Variants in SLFN11 observed in about 807,000 individuals in gnomAD.
SLFN11 encodes schlafen family member 11.
In SLFN11, 43 loss-of-function variants were observed where a neutral mutation model predicts 53.4. That is an observed-to-expected ratio of 0.80 (90% CI 0.63 to 1.04). SLFN11 has a LOEUF of 1.04. Among genes scored for constraint, SLFN11 ranks in the 50% least tolerant of loss-of-function variants. SLFN11 has a pLI of 0.00. For synonymous variants in SLFN11, 389 were observed against 394.7 expected (o/e 0.99, Z 0.17); for missense variants, 990 against 1,079.1 (o/e 0.92, Z 1.16).
chr17:35,353,166 G>C, intron 6 of SLFN11, 27 bp from the exon 7 acceptor site: 1 of 1,600,904 alleles, frequency 6.2e-7, no homozygotes, highest in Non-Finnish European at 8.5e-7. Context: ...AACACACTCA[G>C]GTTTTCTCTA....
rs1908388288 is a variant in SLFN11, at chr17:35,362,760, T to C, written c.1048A>G (p.Met350Val). Reference sequence around the variant, plus strand: ...TTACCTGGATCTGTGTCTGTCATCATGCCTACCCATTTCTCGGTTGTCAGG... The same window carrying C: ...TTACCTGGATCTGTGTCTGTCATCACGCCTACCCATTTCTCGGTTGTCAGG... ...CSLTTEKWVGMMTDTDPDLLQ... is the reference protein window; with the variant it reads ...CSLTTEKWVGVMTDTDPDLLQ... Residue 350 changes from methionine (M) to valine (V), a missense_variant, in exon 4 of 7, where the codon ATG (methionine) becomes GTG (valine). Transcript: ENST00000685675. 2 of 1,581,306 alleles carry C rather than the reference T, an allele frequency of 1.3e-6. No individual in the cohort carries two copies. The highest frequency in any genetic ancestry group is 1.1e-5 in the South Asian group (1 of 87,256).
At chr17:35,355,198 C>A (rs1343442338) in intron 5 of SLFN11, among the ~76,000 whole-genome samples, 7 of 151,996 alleles carry the variant, frequency 4.6e-5, no homozygotes, top group Non-Finnish European at 8.8e-5. Flanking sequence ...CCAAGGATGA[C>A]ATATTTATTC....
chr17:35,368,888 T>C (rs533996135), intron 1 of SLFN11, among the ~76,000 whole-genome samples: 4 of 152,012 alleles, frequency 2.6e-5, no homozygotes, highest in African/African-American at 9.7e-5. Context: ...CTAGACACAC[T>C]CTGGGCCAGA....
chr17:35,358,822 T>G (rs1907841809), intron 5 of SLFN11, among the ~76,000 whole-genome samples: 1 of 152,078 alleles, frequency 6.6e-6, no homozygotes, highest in Non-Finnish European at 1.5e-5. Flanking sequence ...TTTTTCTATC[T>G]TTAACAAGTT....
At chr17:35,356,120 G>C (rs1230355317) in intron 5 of SLFN11, among the ~76,000 whole-genome samples, 1 of 151,744 alleles carries the variant, frequency 6.6e-6, no homozygotes, top group Non-Finnish European at 1.5e-5. Flanking sequence ...AGTAACTCCA[G>C]TTATAGACAA....
At position 35,367,070 on chromosome 17, in the gene SLFN11, CAA is replaced by C. The variant is rs34749593; in HGVS notation, c.-136-9_-136-8del. The C allele has an allele frequency of 6.3e-5, 9 of 141,818 alleles. No individual in the cohort carries two copies. Among genetic ancestry groups the C allele is most frequent in the Admixed American group, 1.4e-4 (2 of 14,248 alleles). The allele number at this position is 141,818 out of a possible 1,614,324, so 8.8% of individuals were successfully genotyped here. On this transcript the variant is annotated splice_region_variant and splice_polypyrimidine_tract_variant and intron_variant, in intron 2 of 6. Transcript: ENST00000685675. ...TGGGGGTCAAAGTAAGAATCTGTCT[CAA>C]AAAAAAAAAAAAGAAGGCTGGCACA...
Position 35,362,835 on chromosome 17 carries a change from A to C in SLFN11, c.973T>G (p.Phe325Val), listed in dbSNP as rs1567823227. The C allele has an allele frequency of 6.2e-7, 1 of 1,613,702 alleles. No homozygotes were observed. The highest frequency in any genetic ancestry group is 8.5e-7 in the Non-Finnish European group (1 of 1,179,896). ...ATCCATGAATTGGGAGCTTCTGAGA[A>C]CACTGCACAGCAGAAGGGATTTACT... Reference protein sequence around the residue: ...IRVNPFCCAVFSEAPNSWIVE... With the variant: ...IRVNPFCCAVVSEAPNSWIVE... Residue 325 changes from phenylalanine to valine, a missense_variant, in exon 4 of 7, where the codon TTC (phenylalanine) becomes GTC (valine). Physicochemically the swap from Phe to Val is conservative, Grantham distance 50. Transcript: ENST00000685675.
chr17:35,365,668 A>G (rs1033751062), intron 3 of SLFN11, among the ~76,000 whole-genome samples: 1 of 152,140 alleles, frequency 6.6e-6, no homozygotes, highest in African/African-American at 2.4e-5. Flanking sequence ...GATATTTGAC[A>G]TGGGAAACAA....
At chr17:35,369,118 G>T (rs1207124248) in intron 1 of SLFN11, among the ~76,000 whole-genome samples, 1 of 152,028 alleles carries the variant, frequency 6.6e-6, no homozygotes, top group Non-Finnish European at 1.5e-5. Flanking sequence ...AGAGGGAAAA[G>T]TAAAGGGGAC....
chr17:35,354,012 G>C lies in SLFN11; in HGVS notation c.1246C>G (p.Leu416Val). Residue 416 changes from leucine (L) to valine (V), a missense_variant, in exon 6 of 7, where the codon CTG (leucine) becomes GTG (valine). Physicochemically the swap from Leu to Val is conservative, Grantham distance 32. Around this residue, in one of 3 missense-constraint regions of SLFN11, gnomAD observed 521 missense variants for 516.2 expected, o/e 1.01. Coordinates refer to ENST00000685675, the MANE Select transcript of SLFN11 (RefSeq NM_001376007.1). Reference sequence around the variant, plus strand: ...TCTAGTCCTCTGTGCTCTGAGATCAGGTCCCTCCAGAGTGACTCTGGAGTA... The same window carrying C: ...TCTAGTCCTCTGTGCTCTGAGATCACGTCCCTCCAGAGTGACTCTGGAGTA... ...RYTPESLWRDLISEHRGLEEL... is the reference protein window; with the variant it reads ...RYTPESLWRDVISEHRGLEEL... 6.2e-7 allele frequency: 1 copy of C among 1,613,752 alleles called. No individual in the cohort carries two copies. Among genetic ancestry groups the C allele is most frequent in the Non-Finnish European group, 8.5e-7 (1 of 1,179,860 alleles).
chr17:35,363,509 C>A lies in SLFN11; in HGVS notation c.299G>T (p.Gly100Val). ...TTTAACAAAAATGTAAAAACACCTTCCTTGTTGCTTGGTCTCAAAGAAAGC... is the reference window on the plus strand; with the variant it reads ...TTTAACAAAAATGTAAAAACACCTTACTTGTTGCTTGGTCTCAAAGAAAGC... ...LQAFFETKQQ[G>V]RCFYIFVKSW... Residue 100 changes from glycine to valine, a missense_variant, in exon 4 of 7, where the codon GGA becomes GTA. Physicochemically the swap from Gly to Val is moderately radical, Grantham distance 109 (BLOSUM62 -3). This residue lies in a region of SLFN11 where 521 missense variants were observed against 516.2 expected (regional missense o/e 1.01). Coordinates refer to ENST00000685675, the MANE Select transcript of SLFN11 (RefSeq NM_001376007.1). 1.9e-6 allele frequency: 3 copies of A among 1,614,026 alleles called. No homozygotes were observed. In the East Asian group the frequency reaches 6.7e-5, roughly 36 times the overall value.
In SLFN11 at chr17:35,365,024, G is replaced by C. The variant is rs554358970; in HGVS notation, c.-19-1198C>G. On this transcript the variant is annotated intron_variant, in intron 3 of 6. Coordinates refer to ENST00000685675, the MANE Select transcript of SLFN11 (RefSeq NM_001376007.1). ...ATTTAGATGGGAAGAAGCCAGTAGGGAAGTGAAAATTTAAAGAGGTAGAAG... is the reference window on the plus strand; with the variant it reads ...ATTTAGATGGGAAGAAGCCAGTAGGCAAGTGAAAATTTAAAGAGGTAGAAG... Among the ~76,000 whole-genome samples the C allele has an allele frequency of 9.2e-5, 14 of 152,208 alleles. 2 individuals carry two copies. The highest frequency in any genetic ancestry group is 3.4e-4 in the African/African-American group (14 of 41,542).
chr17:35,360,780 T>C (rs888330384), intron 4 of SLFN11, among the ~76,000 whole-genome samples: 4 of 152,098 alleles, frequency 2.6e-5, no homozygotes, highest in African/African-American at 9.7e-5. Flanking sequence ...ATCTCATCAC[T>C]GATTTGTAAT....
intron 5 of SLFN11, among the ~76,000 whole-genome samples, chr17:35,355,442 C>T (rs1472058092): frequency 1.3e-5 from 2 of 152,074 alleles, no homozygotes; most frequent in Non-Finnish European, 2.9e-5. Flanking sequence ...TGCCCAACAT[C>T]ACACCACTAG....
Position 35,356,982 on chromosome 17 carries a change from G to C in SLFN11, c.1199-2923C>G, listed in dbSNP as rs534944764. ...CCACAACTAGCAAATAAGAGATAAT[G>C]TCAGGTTTTTTCATTTTTTAACAAT... On this transcript the variant is annotated intron_variant, in intron 5 of 6. Coordinates refer to ENST00000685675, the MANE Select transcript of SLFN11 (RefSeq NM_001376007.1). Among the ~76,000 whole-genome samples, 5 of 152,128 alleles carry C rather than the reference G, an allele frequency of 3.3e-5. No individual in the cohort carries two copies. In the East Asian group the frequency reaches 9.6e-4, roughly 29 times the overall value.
chr17:35,369,599 A>T (rs1909406813), intron 1 of SLFN11, among the ~76,000 whole-genome samples: 1 of 152,144 alleles, frequency 6.6e-6, no homozygotes, highest in South Asian at 2.1e-4. Context: ...GTTTGAAAAG[A>T]TAAACAAAAT....
chr17:35,353,058 G>A lies in SLFN11; in HGVS notation c.2004C>T (p.Asp668=), dbSNP rs377115038. The change falls in exon 7 of 7, where the codon GAC becomes GAT. Residue 668 remains aspartate, a synonymous_variant. Transcript: ENST00000685675. The part of the protein sequence containing the change: ...NFEHIQHIVI[D]EAQNFRTEDG... ...CTTCAGTACGGAAATTCTGAGCTTCGTCAATGACGATGTGTTGAATGTGTT... is the reference window on the plus strand; with the variant it reads ...CTTCAGTACGGAAATTCTGAGCTTCATCAATGACGATGTGTTGAATGTGTT... The A allele has an allele frequency of 3.0e-5, 48 of 1,613,982 alleles. No homozygotes were observed. Among genetic ancestry groups the A allele is most frequent in the Non-Finnish European group, 3.2e-5 (38 of 1,180,036 alleles).
intron 1 of SLFN11, among the ~76,000 whole-genome samples, chr17:35,372,699 T>C (rs8082408): frequency 0.02 from 3,029 of 152,274 alleles, 117 homozygotes; most frequent in African/African-American, 0.069. Context: ...TTTACCGTGA[T>C]GTGATTATTA....
At chr17:35,357,781 AAAT>A (rs1302635850) in intron 5 of SLFN11, among the ~76,000 whole-genome samples, 2 of 145,344 alleles carry the variant, frequency 1.4e-5, no homozygotes, top group East Asian at 3.9e-4. Flanking sequence ...TATAAATATG[AAAT>A]AATAAACATA....
Sources: allele counts gnomAD v4.1 joint callset (sites outside exome capture counted in the v4.1 genomes callset), GRCh38; gene constraint gnomAD v4.1.1; regional missense constraint gnomAD v4.1.1; transcripts MANE v1.5; gene names NCBI Gene and HGNC (gene_info 2026-07-23, HGNC 2026-07-21).